Variants in PUF60 observed in about 807,000 individuals in gnomAD.
The protein encoded by PUF60 is poly(U) binding splicing factor 60, also known as poly(U)-binding-splicing factor PUF60.
A neutral mutation model predicts 61.8 loss-of-function variants in PUF60; 10 were observed. The observed-to-expected ratio is 0.16, with a 90% CI of 0.10 to 0.27. The LOEUF is 0.27. PUF60 is among the 10% of genes least tolerant of loss of function. PUF60 has a pLI of 1.00. For missense variants in PUF60, 371 were observed against 754.0 expected, an observed-to-expected ratio of 0.49 and a Z score of 5.95; for synonymous variants, 353 against 300.9, an observed-to-expected ratio of 1.17 and a Z score of -1.79.
chr8:143,818,145 G>A lies in PUF60; in HGVS notation c.603+48C>T, dbSNP rs375788346. On this transcript the variant is annotated intron_variant, in intron 7 of 11. Transcript: ENST00000526683. This position sits in a 1 kb window ranked among gnomAD's most constrained non-coding sequence, Gnocchi z 7.9. The stretch of plus-strand genomic sequence containing the variant: ...CGGCCACAAAAGGCTTCCGTGGAGG[G>A]GCAGCCCTGCACGCCTGCGGGATCG... 1.2e-6 allele frequency: 2 copies of A among 1,600,170 alleles called. No homozygotes were observed.
chr8:143,824,268 G>GGGCAGGCGGGCGGGCC, intron 2 of PUF60, 45 bp downstream of exon 2: 1 of 1,464,748 alleles, frequency 6.8e-7, no homozygotes, highest in Non-Finnish European at 9.2e-7. Flanking sequence ...GCGGGCGGGC[G>GGGCAGGCGGGCGGGCC]GGCAGGCGGG....
chr8:143,829,094 G>A (rs1224561861), intron 1 of PUF60, 186 bp downstream of exon 1: 3 of 1,112,150 alleles, frequency 2.7e-6, no homozygotes, highest in Non-Finnish European at 3.3e-6. Flanking sequence ...GGAAGCTGAG[G>A]CCGCGAGCCG....
chr8:143,826,571 C>A (rs889914771), intron 1 of PUF60, among the ~76,000 whole-genome samples: 4 of 151,994 alleles, frequency 2.6e-5, no homozygotes, highest in Admixed American at 6.6e-5. Flanking sequence ...AAAAATTAGC[C>A]GGGCATGGTG....
At chr8:143,824,005 G>C (rs374331883) in intron 2 of PUF60, among the ~76,000 whole-genome samples, 2 of 152,260 alleles carry the variant, frequency 1.3e-5, no homozygotes, top group African/African-American at 2.4e-5. Flanking sequence ...GCCTAAGAAC[G>C]CGCGAGCTCC....
In PUF60 at chr8:143,828,520, C is replaced by T. The variant is rs192115202; in HGVS notation, c.24+760G>A. Among the ~76,000 whole-genome samples, 10 of 152,336 alleles carry T rather than the reference C, an allele frequency of 6.6e-5. No individual in the cohort carries two copies. In the East Asian group the frequency reaches 1.9e-3, roughly 29 times the overall value. On this transcript the variant is annotated intron_variant, in intron 1 of 11. Coordinates refer to ENST00000526683, the MANE Select transcript of PUF60 (RefSeq NM_078480.3). ...CCTGCCCTGCCCGGGGAAGTGGGCA[C>T]TGAGCAGAGCAGGGGGCGACTCACT...
At chr8:143,820,787 G>T in intron 4 of PUF60, 71 bp from the exon 5 acceptor site, 1 of 1,429,984 alleles carries the variant, frequency 7.0e-7, no homozygotes, top group South Asian at 1.1e-5. Flanking sequence ...AACACCTCAC[G>T]CAGACAGCGG....
At chr8:143,827,324 G>T in intron 1 of PUF60, 1 of 455,650 alleles carries the variant, frequency 2.2e-6, no homozygotes, top group South Asian at 1.6e-5. Context: ...AGCTGGTCTG[G>T]CTGTCAGTGA....
rs1816627238 is a variant in PUF60 at position 143,818,435 on chromosome 8, C to A, written c.448G>T (p.Ala150Ser). Residue 150 changes from alanine to serine, a missense_variant, in exon 6 of 12, where the codon GCC (alanine) becomes TCC (serine). Ala to Ser is a moderately conservative substitution (Grantham distance 99). This residue lies in a region of PUF60 where 35 missense variants were observed against 173.1 expected (regional missense o/e 0.20). Coordinates refer to ENST00000526683, the MANE Select transcript of PUF60 (RefSeq NM_078480.3). The surrounding 1 kb of genome is among the most constrained non-coding windows in gnomAD (Gnocchi z 7.9). ...LGEDTIRQAF[A>S]PFGPIKSIDM... ...ATGCTCTTGATGGGGCCAAAGGGGG[C>A]AAAGGCCTGGCGGATGGTGTCCTCC... 1.2e-6 allele frequency: 2 copies of A among 1,612,268 alleles called. No homozygotes were observed. The highest frequency in any genetic ancestry group is 1.7e-6 in the Non-Finnish European group (2 of 1,179,664).
chr8:143,824,288 G>A (rs1382874514), intron 2 of PUF60, 25 bp downstream of exon 2: 1 of 1,577,696 alleles, frequency 6.3e-7, no homozygotes, highest in Non-Finnish European at 8.6e-7. Flanking sequence ...GCGGGCCTGA[G>A]GGAGAGGATG....
chr8:143,825,608 C>T (rs1022854975), intron 1 of PUF60, among the ~76,000 whole-genome samples: 4 of 152,168 alleles, frequency 2.6e-5, no homozygotes, highest in African/African-American at 4.8e-5. Context: ...CTGCAACCTC[C>T]GCCTCCTGGG....
rs1196900901 is a variant in PUF60 at position 143,821,890 on chromosome 8, C to G, written c.135G>C (p.Glu45Asp). Residue 45 changes from glutamate (E) to aspartate (D), a missense_variant, in exon 3 of 12, where the codon GAG becomes GAC. Transcript: ENST00000526683. Reference protein sequence around the residue: ...PPQGTDSIKMENGQSTAAKLG... With the variant: ...PPQGTDSIKMDNGQSTAAKLG... ...GCTTGGCGGCTGTGCTCTGCCCGTTCTCCATCTTGATGGAGTCTGTGCCCT... is the reference window on the plus strand; with the variant it reads ...GCTTGGCGGCTGTGCTCTGCCCGTTGTCCATCTTGATGGAGTCTGTGCCCT... 6.2e-7 allele frequency: 1 copy of G among 1,606,908 alleles called. No individual in the cohort carries two copies. The highest frequency in any genetic ancestry group is 2.2e-5 in the East Asian group (1 of 44,772).
intron 2 of PUF60, chr8:143,822,816 G>A (rs1817173929): frequency 2.9e-6 from 1 of 340,046 alleles, no homozygotes; most frequent in Admixed American, 3.8e-5. Context: ...CAAACAGCAT[G>A]CCTGCGCCTG....
intron 2 of PUF60, among the ~76,000 whole-genome samples, 185 bp from the exon 3 acceptor site, chr8:143,822,098 G>A (rs989769105): frequency 6.6e-6 from 1 of 152,140 alleles, no homozygotes; most frequent in Admixed American, 6.5e-5. Context: ...AACACAGACT[G>A]AGGCAGGCAG....
At chr8:143,827,511 C>T (rs1438737222) in intron 1 of PUF60, 2 of 453,728 alleles carry the variant, frequency 4.4e-6, no homozygotes. Context: ...CCAAGTTCAG[C>T]TGCTCCATTC....
intron 4 of PUF60, chr8:143,821,237 G>A (rs1043073434): frequency 4.3e-6 from 2 of 466,500 alleles, no homozygotes; most frequent in Non-Finnish European, 7.8e-6. Flanking sequence ...AGGCCACGGG[G>A]GCAGGGAGGC....
chr8:143,828,929 C>T (rs1222645261), intron 1 of PUF60: 7 of 986,954 alleles, frequency 7.1e-6, no homozygotes, highest in Non-Finnish European at 8.4e-6. Context: ...TCCGTCGTGA[C>T]CACGGCGCAC....
chr8:143,821,474 T>C, intron 4 of PUF60, 123 bp downstream of exon 4: 1 of 925,504 alleles, frequency 1.1e-6, no homozygotes, highest in South Asian at 1.5e-5. Context: ...CATGAGTCTT[T>C]GAGAATCGGA....
Position 143,817,528 on chromosome 8 carries a change from C to CA in PUF60, c.1008+63dup. ...CTGGCTACTCAAGACCACCTTGAAT[C>CA]AGTCTCCAAGGAATCAGGGGCCAGC... On this transcript the variant is annotated intron_variant, in intron 9 of 11. Coordinates refer to ENST00000526683, the MANE Select transcript of PUF60 (RefSeq NM_078480.3). The surrounding 1 kb of genome is among the most constrained non-coding windows in gnomAD (Gnocchi z 7.4). The CA allele has an allele frequency of 6.2e-7, 1 of 1,608,168 alleles. No homozygotes were observed.
chr8:143,824,422 G>GT (rs1563839565), intron 1 of PUF60, 23 bp from the exon 2 acceptor site: 2 of 1,607,846 alleles, frequency 1.2e-6, no homozygotes, highest in South Asian at 2.2e-5. Context: ...AGGAGATGTT[G>GT]TAACGACAGG....
Sources: gnomAD v4.1 joint callset for allele counts (sites outside exome capture counted in the v4.1 genomes callset) on GRCh38, gnomAD v4.1.1 for gene constraint, gnomAD v4.1.1 regional missense constraint, Gnocchi (gnomAD v3.1) non-coding constraint, MANE v1.5 for transcripts, NCBI Gene and HGNC (gene_info 2026-07-23, HGNC 2026-07-21) for gene names.